The following MAPK4 variants were observed in gnomAD, a reference collection of about 807,000 sequenced individuals.
MAPK4 encodes the protein Erk3-related.
In MAPK4, 22 loss-of-function variants were observed where a neutral mutation model predicts 47.7. The observed-to-expected ratio is 0.46, with a 90% confidence interval of 0.33 to 0.66. MAPK4 has a LOEUF of 0.66. MAPK4 is among the 30% of genes least tolerant of loss of function. The pLI is 0.02. For synonymous variants in MAPK4, 390 were observed against 365.7 expected, an observed-to-expected ratio of 1.07 and a Z score of -0.76; for missense variants, 736 against 831.7, an observed-to-expected ratio of 0.88 and a Z score of 1.42.
At chr18:50,682,220 C>T (rs75010145) in intron 2 of MAPK4, among the ~76,000 whole-genome samples, 205 of 152,094 alleles carry the variant, frequency 1.3e-3, no homozygotes, top group African/African-American at 4.7e-3. Flanking sequence ...GTGAATTTTA[C>T]GACGTGTGAA....
intron 2 of MAPK4, among the ~76,000 whole-genome samples, chr18:50,685,871 G>T (rs1267508095): frequency 6.6e-6 from 1 of 152,140 alleles, no homozygotes; most frequent in African/African-American, 2.4e-5. Flanking sequence ...TGTTTTCTCG[G>T]TGGCACTGAT....
intron 1 of MAPK4, chr18:50,629,520 T>C (rs1199048382): frequency 6.6e-6 from 1 of 152,214 alleles, no homozygotes; most frequent in East Asian, 1.9e-4. Context: ...TCCAGGAACA[T>C]AATTTGCAGG....
In MAPK4 at chr18:50,657,587, C is replaced by T. The variant is rs560261642; in HGVS notation, c.-870-5502C>T. 2.0e-5 allele frequency among the ~76,000 whole-genome samples: 3 copies of T among 152,254 alleles called. No homozygotes were observed. In the East Asian group the frequency reaches 5.8e-4, roughly 29 times the overall value. ...CCGAGGCACCCAGCTCAAATGCCAACACCAACCCTGTTGAAAACTGCTGAT... is the reference window on the plus strand; with the variant it reads ...CCGAGGCACCCAGCTCAAATGCCAATACCAACCCTGTTGAAAACTGCTGAT... On this transcript the variant is annotated intron_variant, in intron 1 of 5. Coordinates refer to ENST00000400384, the MANE Select transcript of MAPK4 (RefSeq NM_002747.4).
At chr18:50,632,486 C>T (rs929939843) in intron 1 of MAPK4, among the ~76,000 whole-genome samples, 2 of 152,132 alleles carry the variant, frequency 1.3e-5, no homozygotes, top group Non-Finnish European at 2.9e-5. Context: ...TGTAGTATTT[C>T]CCTCAACCTT....
chr18:50,587,156 A>G (rs567093246), intron 1 of MAPK4, among the ~76,000 whole-genome samples: 53 of 152,298 alleles, frequency 3.5e-4, no homozygotes, highest in African/African-American at 1.3e-3. Flanking sequence ...GTCCCCTCCA[A>G]ATTCGTATGT....
chr18:50,687,984 A>C (rs1372125319), intron 2 of MAPK4, among the ~76,000 whole-genome samples: 1 of 152,172 alleles, frequency 6.6e-6, no homozygotes, highest in African/African-American at 2.4e-5. Context: ...TACTGAGAAC[A>C]GATGACTAAA....
intron 1 of MAPK4, among the ~76,000 whole-genome samples, chr18:50,652,808 A>T (rs2043064844): frequency 6.6e-6 from 1 of 152,206 alleles, no homozygotes; most frequent in African/African-American, 2.4e-5. Flanking sequence ...GCCTGAACAG[A>T]TAAGCTAGTC....
intron 1 of MAPK4, among the ~76,000 whole-genome samples, chr18:50,596,495 T>C (rs369674202): frequency 5.3e-5 from 8 of 152,302 alleles, no homozygotes; most frequent in African/African-American, 1.7e-4. Context: ...AGAACCTGTT[T>C]ATGAAGGAAC....
intron 1 of MAPK4, among the ~76,000 whole-genome samples, chr18:50,571,752 A>T (rs117845501): frequency 2.6e-5 from 4 of 152,208 alleles, no homozygotes; most frequent in Non-Finnish European, 4.4e-5. Context: ...AAGAGATAAT[A>T]TGCTGCCTTT....
At chr18:50,724,505 C>T (rs982505568) in intron 4 of MAPK4, among the ~76,000 whole-genome samples, 28 of 152,252 alleles carry the variant, frequency 1.8e-4, no homozygotes, top group African/African-American at 6.3e-4. Flanking sequence ...AGCTGGGCCC[C>T]GCACTAGACT....
In MAPK4 at chr18:50,729,839, C is replaced by T. The variant is rs1339433037; in HGVS notation, c.1749C>T (p.Ser583=). 6.2e-7 allele frequency: 1 copy of T among 1,611,154 alleles called. No individual in the cohort carries two copies. Among genetic ancestry groups the T allele is most frequent in the African/African-American group, 1.3e-5 (1 of 74,910 alleles). ...PGDLVQTEAF[S]KERW is the part of the protein sequence containing the mutation. Reference sequence around the variant, plus strand: ...ACCTCGTGCAGACCGAGGCCTTCTCCAAAGAAAGGTGGTGAGGGCGGAGGG... The same window carrying T: ...ACCTCGTGCAGACCGAGGCCTTCTCTAAAGAAAGGTGGTGAGGGCGGAGGG... The change falls in exon 6 of 6, where the codon TCC becomes TCT. Residue 583 remains serine (S), a synonymous_variant. Transcript: ENST00000400384.
intron 1 of MAPK4, among the ~76,000 whole-genome samples, chr18:50,604,019 GAGGC>G (rs1568041805): frequency 6.6e-6 from 1 of 152,262 alleles, no homozygotes; most frequent in South Asian, 2.1e-4. Flanking sequence ...GAAGGAATTT[GAGGC>G]AGGCATACCC....
intron 1 of MAPK4, among the ~76,000 whole-genome samples, chr18:50,640,250 C>A (rs2042927701): frequency 6.6e-6 from 1 of 152,012 alleles, no homozygotes; most frequent in African/African-American, 2.4e-5. Context: ...GGCTTTTTAC[C>A]CCCTTGGGGG....
intron 2 of MAPK4, among the ~76,000 whole-genome samples, chr18:50,691,120 G>C (rs1362585750): frequency 6.6e-6 from 1 of 152,114 alleles, no homozygotes; most frequent in African/African-American, 2.4e-5. Flanking sequence ...AGCCTCCCAT[G>C]TAGCTTGGAC....
Position 50,693,127 on chromosome 18 carries a change from C to T in MAPK4, c.547-21952C>T, listed in dbSNP as rs546658277. Among the ~76,000 whole-genome samples, 26 of 152,122 alleles carry T rather than the reference C, an allele frequency of 1.7e-4. No individual in the cohort carries two copies. The East Asian group carries it at 3.7e-3, about 22-fold the overall frequency. On this transcript the variant is annotated intron_variant, in intron 2 of 5. Transcript: ENST00000400384. ...TACAAAAAGTAGCCTGGCATGGTGG[C>T]GCATGCCTGTAATCCCAGCTACTCA...
chr18:50,577,088 C>T (rs2042304258), intron 1 of MAPK4, among the ~76,000 whole-genome samples: 2 of 152,142 alleles, frequency 1.3e-5, no homozygotes, highest in South Asian at 4.2e-4. Flanking sequence ...GATGTCTGTG[C>T]CCATCCCACT....
chr18:50,592,617 C>T (rs181205637), intron 1 of MAPK4, among the ~76,000 whole-genome samples: 6 of 152,240 alleles, frequency 3.9e-5, no homozygotes, highest in East Asian at 3.9e-4. Context: ...TTTCCTTACC[C>T]GAATTAGAGG....
At chr18:50,613,620 C>T (rs768141978) in intron 1 of MAPK4, among the ~76,000 whole-genome samples, 4 of 152,180 alleles carry the variant, frequency 2.6e-5, no homozygotes, top group Non-Finnish European at 4.4e-5. Context: ...TGATTTGTTA[C>T]AAAGCAATAG....
chr18:50,611,601 G>C (rs1279829990), intron 1 of MAPK4, among the ~76,000 whole-genome samples: 2 of 152,232 alleles, frequency 1.3e-5, no homozygotes, highest in African/African-American at 4.8e-5. Flanking sequence ...TCCCATGGGA[G>C]AGCTGCCCAT....
Sources: gnomAD v4.1 joint callset for allele counts (sites outside exome capture counted in the v4.1 genomes callset) on GRCh38, gnomAD v4.1.1 for gene constraint, MANE v1.5 for transcripts, NCBI Gene and HGNC (gene_info 2026-07-23, HGNC 2026-07-21) for gene names.